The following KIAA0513 variants were observed in gnomAD, a reference collection of about 807,000 sequenced individuals.
KIAA0513 encodes uncharacterized protein KIAA0513.
A neutral mutation model predicts 56.5 loss-of-function variants in KIAA0513; 39 were observed. The ratio of observed to expected loss-of-function variants is 0.69; its 90% CI spans 0.53 to 0.90. The LOEUF (loss-of-function observed/expected upper bound fraction) is 0.90, where lower values mean the gene tolerates loss of function less well. Ranked by LOEUF, KIAA0513 falls within the 40% of genes least tolerant of loss-of-function variation. KIAA0513 has a pLI of 0.00. For missense variants in KIAA0513, 591 were observed against 535.2 expected (o/e 1.10, Z -1.03); for synonymous variants, 268 against 215.6 (o/e 1.24, Z -2.13).
intron 4 of KIAA0513, among the ~76,000 whole-genome samples, chr16:85,074,515 G>A (rs1555524149): frequency 6.6e-6 from 1 of 152,174 alleles, no homozygotes; most frequent in Non-Finnish European, 1.5e-5. Context: ...CCTGCTTCAT[G>A]TCTCTCCACT....
chr16:85,036,405 C>A (rs1446641806), intron 1 of KIAA0513, among the ~76,000 whole-genome samples: 1 of 152,216 alleles, frequency 6.6e-6, no homozygotes, highest in Admixed American at 6.5e-5. Flanking sequence ...CTGCTCTGGA[C>A]ATTTCGTAAA....
intron 12 of KIAA0513, among the ~76,000 whole-genome samples, chr16:85,087,729 C>T (rs1373342667): frequency 6.6e-6 from 1 of 152,216 alleles, no homozygotes; most frequent in Non-Finnish European, 1.5e-5. Context: ...TCGAAAAGGA[C>T]TTACACTTAG....
At position 85,087,100 on chromosome 16, in the gene KIAA0513, G is replaced by A. The variant is rs758091719; in HGVS notation, c.1120G>A (p.Gly374Arg). The A allele has an allele frequency of 6.2e-7, 1 of 1,614,194 alleles. No individual in the cohort carries two copies. The highest frequency in any genetic ancestry group is 8.5e-7 in the Non-Finnish European group (1 of 1,180,026). ...GTFTHNMLAFGLNKKLCNDFL... is the reference protein window; with the variant it reads ...GTFTHNMLAFRLNKKLCNDFL... ...ATTCACGCACAACATGCTGGCCTTT[G>A]GACTGAACAAGAAGCTGTGCAATGA... is the stretch of plus-strand genomic sequence containing the variant. Residue 374 changes from glycine to arginine, a missense_variant, in exon 12 of 13, where the codon GGA becomes AGA. Coordinates refer to ENST00000683363, the MANE Select transcript of KIAA0513 (RefSeq NM_001388359.1).
chr16:85,029,564 T>A (rs2072934717), intron 1 of KIAA0513, among the ~76,000 whole-genome samples: 1 of 152,250 alleles, frequency 6.6e-6, no homozygotes, highest in African/African-American at 2.4e-5. Flanking sequence ...CCAGCGGCTC[T>A]GAGGAGCATC....
intron 1 of KIAA0513, among the ~76,000 whole-genome samples, chr16:85,047,164 C>A (rs1295107633): frequency 6.6e-6 from 1 of 152,196 alleles, no homozygotes; most frequent in Non-Finnish European, 1.5e-5. Flanking sequence ...GTTTTCCAAG[C>A]CTTTGTCCAC....
chr16:85,051,548 G>A (rs1439331170), intron 1 of KIAA0513, among the ~76,000 whole-genome samples: 1 of 152,038 alleles, frequency 6.6e-6, no homozygotes, highest in African/African-American at 2.4e-5. Context: ...GGTTGGTGGT[G>A]GCTCCGCCTT....
chr16:85,061,255 C>G (rs539636162), intron 1 of KIAA0513, among the ~76,000 whole-genome samples: 48 of 152,260 alleles, frequency 3.2e-4, no homozygotes, highest in Admixed American at 4.6e-4. Context: ...ATTCCTATCA[C>G]AAGCCTTAAT....
chr16:85,086,626 C>G lies in KIAA0513; in HGVS notation c.1011-18C>G, dbSNP rs777893538. 1.2e-6 allele frequency: 2 copies of G among 1,611,984 alleles called. No individual in the cohort carries two copies. The highest frequency in any genetic ancestry group is 2.2e-5 in the South Asian group (2 of 90,766). ...AGCACCATCTGAGCCCCGCTTCTGT[C>G]ACCTCCTGTGCTTGCAGGGAGAAGT... is the stretch of plus-strand genomic sequence containing the variant. On this transcript the variant is annotated intron_variant, in intron 10 of 12. Coordinates refer to ENST00000683363, the MANE Select transcript of KIAA0513 (RefSeq NM_001388359.1).
At chr16:85,028,084 AG>A (rs1392806732) in intron 1 of KIAA0513, among the ~76,000 whole-genome samples, 2 of 151,970 alleles carry the variant, frequency 1.3e-5, no homozygotes, top group Non-Finnish European at 2.9e-5. Flanking sequence ...GCCTGCTGGG[AG>A]GCAAAGGGAA....
chr16:85,046,056 C>T (rs1217478017), intron 1 of KIAA0513, among the ~76,000 whole-genome samples: 1 of 152,142 alleles, frequency 6.6e-6, no homozygotes, highest in Non-Finnish European at 1.5e-5. Flanking sequence ...CAGGATGTTG[C>T]CCTTGATCTT....
At chr16:85,049,458 T>C (rs28408837) in intron 1 of KIAA0513, among the ~76,000 whole-genome samples, 15,436 of 152,192 alleles carry the variant, frequency 0.1, 1,407 homozygotes, top group African/African-American at 0.23. Context: ...AATTGTAATC[T>C]CCAGTGTTGG....
rs767585711 is a variant in KIAA0513 at position 85,076,598 on chromosome 16, C to T, written c.574+684C>T. Among the ~76,000 whole-genome samples, 4 of 152,094 alleles carry T rather than the reference C, an allele frequency of 2.6e-5. No homozygotes were observed. The highest frequency in any genetic ancestry group is 1.5e-5 in the Non-Finnish European group (1 of 68,006). On this transcript the variant is annotated intron_variant, in intron 5 of 12. Coordinates refer to ENST00000683363, the MANE Select transcript of KIAA0513 (RefSeq NM_001388359.1). The surrounding 1 kb of genome is among the most constrained non-coding windows in gnomAD (Gnocchi z 4.7). ...CCTGGTCCCCCGTGCTTTCCTCTCT[C>T]GGGACCCGCGTGCTCACTCTTGGGG...
intron 1 of KIAA0513, among the ~76,000 whole-genome samples, chr16:85,042,724 T>C (rs1423801327): frequency 2.6e-5 from 4 of 152,210 alleles, no homozygotes; most frequent in Non-Finnish European, 5.9e-5. Flanking sequence ...CTGGGCATTG[T>C]GGAAAAGAAT....
intron 1 of KIAA0513, among the ~76,000 whole-genome samples, chr16:85,033,054 A>G (rs1408630446): frequency 6.6e-6 from 1 of 152,066 alleles, no homozygotes; most frequent in East Asian, 1.9e-4. Context: ...CAGCATCAAG[A>G]TGCAGTGATG....
Position 85,086,640 on chromosome 16 carries a change from G to C in KIAA0513, c.1011-4G>C. 6.2e-7 allele frequency: 1 copy of C among 1,613,620 alleles called. No homozygotes were observed. The highest frequency in any genetic ancestry group is 2.2e-5 in the East Asian group (1 of 44,860). On this transcript the variant is annotated splice_polypyrimidine_tract_variant and splice_region_variant and intron_variant, in intron 10 of 12. Transcript: ENST00000683363. ...CCCGCTTCTGTCACCTCCTGTGCTT[G>C]CAGGGAGAAGTGGTGCCACATGACC...
At chr16:85,057,383 AG>A (rs762004394) in intron 1 of KIAA0513, among the ~76,000 whole-genome samples, 13 of 152,346 alleles carry the variant, frequency 8.5e-5, no homozygotes, top group Non-Finnish European at 1.3e-4. Context: ...CCAAGTGTAC[AG>A]GGCGACGGGA....
At chr16:85,029,590 C>A (rs1353893097) in intron 1 of KIAA0513, among the ~76,000 whole-genome samples, 1 of 152,256 alleles carries the variant, frequency 6.6e-6, no homozygotes, top group Admixed American at 6.5e-5. Context: ...GGACAGTCCC[C>A]AGGAAGGGGT....
intron 8 of KIAA0513, among the ~76,000 whole-genome samples, chr16:85,080,008 C>T (rs2073719565): frequency 6.6e-6 from 1 of 152,134 alleles, no homozygotes; most frequent in South Asian, 2.1e-4. Flanking sequence ...CCCTCCCTCC[C>T]CTGAAGATCA....
At chr16:85,041,554 G>C (rs965437724) in intron 1 of KIAA0513, among the ~76,000 whole-genome samples, 1 of 152,194 alleles carries the variant, frequency 6.6e-6, no homozygotes, top group African/African-American at 2.4e-5. Flanking sequence ...TCCAGTGCTT[G>C]ATAGGGGCTT....
Sources: allele counts gnomAD v4.1 joint callset (sites outside exome capture counted in the v4.1 genomes callset), GRCh38; gene constraint gnomAD v4.1.1; non-coding constraint Gnocchi (gnomAD v3.1); transcripts MANE v1.5; gene names NCBI Gene and HGNC (gene_info 2026-07-23, HGNC 2026-07-21).